Variants in ZBTB20 observed in about 807,000 individuals in gnomAD.
The protein encoded by ZBTB20 is zinc finger and BTB domain-containing protein 20.
Under a neutral mutation model 56.9 loss-of-function variants are expected in ZBTB20, and 9 were observed. The observed-to-expected ratio is 0.16, with a 90% CI of 0.10 to 0.28. The LOEUF is 0.28. Among genes scored for constraint, ZBTB20 ranks in the 10% least tolerant of loss-of-function variants. ZBTB20 has a pLI of 1.00. For synonymous variants in ZBTB20, 417 were observed against 420.7 expected (o/e 0.99, Z 0.11); for missense variants, 655 against 1,003.0 (o/e 0.65, Z 4.69).
At chr3:115,081,385 C>T (rs982085354) in intron 1 of ZBTB20, among the ~76,000 whole-genome samples, 26 of 152,216 alleles carry the variant, frequency 1.7e-4, no homozygotes, top group African/African-American at 5.5e-4. Flanking sequence ...AAATAAACTA[C>T]ACTATCCTAT....
chr3:114,384,988 G>T (rs1476896709), intron 8 of ZBTB20, among the ~76,000 whole-genome samples: 1 of 152,160 alleles, frequency 6.6e-6, no homozygotes. Context: ...TGAGCTCTTA[G>T]CAGTCTCCAG....
chr3:114,555,569 C>T (rs2051111186), intron 6 of ZBTB20, among the ~76,000 whole-genome samples: 1 of 152,104 alleles, frequency 6.6e-6, no homozygotes, highest in Non-Finnish European at 1.5e-5. Context: ...AGTAGACATT[C>T]TAAGATGTGA....
chr3:114,748,376 C>CTCTCTCTCTCTCTCTT (rs1560202695), intron 5 of ZBTB20, among the ~76,000 whole-genome samples: 8 of 146,336 alleles, frequency 5.5e-5, no homozygotes, highest in Non-Finnish European at 1.1e-4. Context: ...CTCTCTCTCT[C>CTCTCTCTCTCTCTCTT]TCTTTCTTTC....
chr3:114,842,218 G>C (rs753552417), intron 4 of ZBTB20, among the ~76,000 whole-genome samples: 2 of 152,078 alleles, frequency 1.3e-5, no homozygotes, highest in Non-Finnish European at 2.9e-5. Flanking sequence ...GCTCCTTATA[G>C]CTTCTTCTTT....
chr3:114,529,961 C>T (rs1166839898), intron 6 of ZBTB20, among the ~76,000 whole-genome samples: 1 of 152,188 alleles, frequency 6.6e-6, no homozygotes, highest in African/African-American at 2.4e-5. Flanking sequence ...CAATTATGTG[C>T]TGTATAATGA....
intron 6 of ZBTB20, among the ~76,000 whole-genome samples, chr3:114,570,545 T>A (rs1055873393): frequency 1.3e-5 from 2 of 152,136 alleles, no homozygotes; most frequent in African/African-American, 4.8e-5. Flanking sequence ...TTGTCAAAGA[T>A]AATTCAGACA....
At chr3:114,800,224 T>C (rs2071613832) in intron 5 of ZBTB20, among the ~76,000 whole-genome samples, 1 of 151,988 alleles carries the variant, frequency 6.6e-6, no homozygotes, top group African/African-American at 2.4e-5. Flanking sequence ...ACTTTCCTTG[T>C]AGTATTTCAC....
chr3:114,662,669 T>C (rs562199042), intron 6 of ZBTB20, among the ~76,000 whole-genome samples: 4,158 of 143,924 alleles, frequency 0.029, 88 homozygotes, highest in Non-Finnish European at 0.047. Flanking sequence ...TGATGAGCAT[T>C]TTTTCATGTG....
chr3:115,012,812 T>C (rs2079779309), intron 2 of ZBTB20, among the ~76,000 whole-genome samples: 1 of 151,772 alleles, frequency 6.6e-6, no homozygotes, highest in Non-Finnish European at 1.5e-5. Context: ...AGACCATACG[T>C]CGGGTCACAA....
chr3:115,138,076 G>A (rs2084701474), intron 1 of ZBTB20, among the ~76,000 whole-genome samples: 1 of 152,050 alleles, frequency 6.6e-6, no homozygotes, highest in African/African-American at 2.4e-5. Flanking sequence ...GCCTTCCAAA[G>A]TCATAGGATT....
chr3:114,745,022 A>C (rs1254325943), intron 5 of ZBTB20, among the ~76,000 whole-genome samples: 2 of 152,182 alleles, frequency 1.3e-5, no homozygotes, highest in Non-Finnish European at 2.9e-5. Context: ...GAAAAACATC[A>C]GGGATAAATA....
intron 1 of ZBTB20, among the ~76,000 whole-genome samples, chr3:115,146,430 G>A (rs1275870069): frequency 2.0e-5 from 3 of 152,160 alleles, no homozygotes; most frequent in African/African-American, 7.2e-5. Context: ...ATTAAACAGT[G>A]TACGAGAGAC....
chr3:114,532,939 C>G (rs1202635416), intron 6 of ZBTB20, among the ~76,000 whole-genome samples: 1 of 152,180 alleles, frequency 6.6e-6, no homozygotes, highest in Non-Finnish European at 1.5e-5. Flanking sequence ...AAAGGAATAG[C>G]ATCAACATTA....
chr3:114,643,356 G>A (rs904438946), intron 6 of ZBTB20, among the ~76,000 whole-genome samples: 20 of 152,020 alleles, frequency 1.3e-4, no homozygotes, highest in African/African-American at 4.8e-4. Flanking sequence ...TTAATGAAAT[G>A]AGTTCTAATA....
intron 7 of ZBTB20, among the ~76,000 whole-genome samples, chr3:114,421,398 T>G (rs2089157908): frequency 6.6e-6 from 1 of 152,166 alleles, no homozygotes; most frequent in African/African-American, 2.4e-5. Context: ...ATACCTAAAC[T>G]CTAATGGACA....
Position 114,338,696 on chromosome 3 carries a change from G to T in ZBTB20, c.*309C>A. On this transcript the variant is annotated 3_prime_UTR_variant, in exon 12 of 12. Coordinates refer to ENST00000675478, the MANE Select transcript of ZBTB20 (RefSeq NM_001348800.3). ...TTTTTTTAAAAGATTTTTTTGTAAA[G>T]AAGGGTTGTATTTAGAGGCCAGTAG... The T allele has an allele frequency of 1.3e-5, 3 of 222,258 alleles. No homozygotes were observed. Among genetic ancestry groups the T allele is most frequent in the African/African-American group, 2.3e-5 (1 of 43,298 alleles). 13.8% of individuals were successfully genotyped at this position (222,258 alleles called of 1,614,324 possible).
chr3:114,871,449 T>C (rs982571298), intron 4 of ZBTB20, among the ~76,000 whole-genome samples: 3 of 152,154 alleles, frequency 2.0e-5, no homozygotes, highest in African/African-American at 7.2e-5. Context: ...TGCTTTTATA[T>C]GTCTTCCTTT....
intron 7 of ZBTB20, among the ~76,000 whole-genome samples, chr3:114,441,259 G>A (rs2090901206): frequency 6.6e-6 from 1 of 152,092 alleles, no homozygotes; most frequent in African/African-American, 2.4e-5. Context: ...ATAATAAATA[G>A]TTCTGAATTT....
Position 114,335,539 on chromosome 3 carries a change from T to C in ZBTB20, c.*3466A>G, listed in dbSNP as rs745723825. 1.3e-5 allele frequency: 2 copies of C among 152,204 alleles called. No homozygotes were observed. Among genetic ancestry groups the C allele is most frequent in the Admixed American group, 6.5e-5 (1 of 15,288 alleles). The allele number at this position is 152,204 out of a possible 1,614,324, so 9.4% of individuals were successfully genotyped here. A position where few individuals can be genotyped will look rare whatever the true frequency, so the allele number is the denominator to read the frequency against. On this transcript the variant is annotated 3_prime_UTR_variant, in exon 12 of 12. Coordinates refer to ENST00000675478, the MANE Select transcript of ZBTB20 (RefSeq NM_001348800.3). ...TTATTTCCTAAAATGTGGGTCAGTT[T>C]GGAAAGTGGCCATTTGATGGGCCAG...
Sources: allele counts gnomAD v4.1 joint callset (sites outside exome capture counted in the v4.1 genomes callset), GRCh38; gene constraint gnomAD v4.1.1; transcripts MANE v1.5; gene names NCBI Gene and HGNC (gene_info 2026-07-23, HGNC 2026-07-21).